The following CCSER1 variants were observed in gnomAD, a reference collection of about 807,000 sequenced individuals.
The protein encoded by CCSER1 is coiled-coil serine rich protein 1, also known as serine-rich coiled-coil domain-containing protein 1.
In CCSER1, 41 loss-of-function variants were observed where a neutral mutation model predicts 82.0. The observed-to-expected ratio is 0.50, with a 90% CI of 0.39 to 0.65. The LOEUF (loss-of-function observed/expected upper bound fraction) is 0.65, where lower values mean the gene tolerates loss of function less well. CCSER1 is among the 30% of genes least tolerant of loss of function. CCSER1 has a pLI of 0.00. For missense variants in CCSER1, 1,119 were observed against 1,064.2 expected (o/e 1.05, Z -0.72); for synonymous variants, 414 against 383.9 (o/e 1.08, Z -0.92).
intron 10 of CCSER1, among the ~76,000 whole-genome samples, chr4:91,515,147 C>G (rs1760035315): frequency 6.6e-6 from 1 of 151,998 alleles, no homozygotes; most frequent in African/African-American, 2.4e-5. Flanking sequence ...CTGTTTGTAT[C>G]TTTGAATCTA....
intron 3 of CCSER1, among the ~76,000 whole-genome samples, chr4:90,351,424 A>G (rs573677272): frequency 1.3e-5 from 2 of 152,336 alleles, no homozygotes; most frequent in East Asian, 3.9e-4. Flanking sequence ...AAAGCATGCA[A>G]GATTTCTATG....
chr4:90,493,243 T>G (rs1768371383), intron 5 of CCSER1, among the ~76,000 whole-genome samples: 1 of 152,134 alleles, frequency 6.6e-6, no homozygotes, highest in African/African-American at 2.4e-5. Flanking sequence ...GAACAAAGCC[T>G]CCAAGAAATA....
chr4:90,315,036 G>C (rs973551046), intron 3 of CCSER1, among the ~76,000 whole-genome samples: 1 of 151,504 alleles, frequency 6.6e-6, no homozygotes. Flanking sequence ...TAGCAGAGAG[G>C]GGGTTTCACC....
intron 10 of CCSER1, among the ~76,000 whole-genome samples, chr4:91,200,864 G>A (rs575576820): frequency 6.6e-6 from 1 of 152,054 alleles, no homozygotes; most frequent in African/African-American, 2.4e-5. Context: ...GTGTTTAATT[G>A]TGTAATAAAT....
intron 5 of CCSER1, among the ~76,000 whole-genome samples, chr4:90,495,255 T>A (rs1768809096): frequency 6.6e-6 from 1 of 152,170 alleles, no homozygotes; most frequent in Non-Finnish European, 1.5e-5. Flanking sequence ...GTTGAAATGG[T>A]TAATAACTTT....
intron 1 of CCSER1, among the ~76,000 whole-genome samples, chr4:90,249,454 C>T (rs1721997239): frequency 6.6e-6 from 1 of 151,972 alleles, no homozygotes; most frequent in South Asian, 2.1e-4. Context: ...TTTTCATTAC[C>T]CCCAAAAGAA....
chr4:90,295,118 TTTATA>T (rs774842418), intron 1 of CCSER1, among the ~76,000 whole-genome samples: 1 of 152,086 alleles, frequency 6.6e-6, no homozygotes, highest in African/African-American at 2.4e-5. Context: ...TTAATGAACA[TTTATA>T]TTATTTTATA....
intron 10 of CCSER1, among the ~76,000 whole-genome samples, chr4:91,374,522 A>G (rs1286100562): frequency 6.6e-6 from 1 of 152,222 alleles, no homozygotes; most frequent in East Asian, 1.9e-4. Context: ...GTTGAGACCT[A>G]GTGCACAGCA....
intron 10 of CCSER1, among the ~76,000 whole-genome samples, chr4:91,543,094 GT>G (rs1761693116): frequency 6.6e-6 from 1 of 152,054 alleles, no homozygotes; most frequent in Non-Finnish European, 1.5e-5. Flanking sequence ...TTGGTTTAAA[GT>G]CCATTTTATC....
intron 3 of CCSER1, among the ~76,000 whole-genome samples, chr4:90,395,903 C>G (rs1480836028): frequency 6.9e-6 from 1 of 144,928 alleles, no homozygotes; most frequent in Non-Finnish European, 1.5e-5. Flanking sequence ...AACCCCGTCT[C>G]TACTAAAAAT....
chr4:90,903,859 G>A (rs1003651281), intron 8 of CCSER1, among the ~76,000 whole-genome samples: 3 of 149,124 alleles, frequency 2.0e-5, no homozygotes, highest in Non-Finnish European at 3.0e-5. Flanking sequence ...AAATAGGTAA[G>A]ACAGGTAAAC....
chr4:90,492,159 G>C (rs1768141176), intron 5 of CCSER1, among the ~76,000 whole-genome samples: 1 of 151,974 alleles, frequency 6.6e-6, no homozygotes. Context: ...GACTTTTTTT[G>C]GTTGGTAGGC....
intron 9 of CCSER1, among the ~76,000 whole-genome samples, chr4:91,059,314 A>ATATATATACATATAGTGTACATATATGTG (rs1743741233): frequency 6.9e-6 from 1 of 143,970 alleles, no homozygotes; most frequent in Non-Finnish European, 1.5e-5. Flanking sequence ...ATACGTGTAT[A>ATATATATACATATAGTGTACATATATGTG]TATATATACA....
chr4:91,293,439 T>C (rs1743909326), intron 10 of CCSER1, among the ~76,000 whole-genome samples: 1 of 151,984 alleles, frequency 6.6e-6, no homozygotes, highest in Non-Finnish European at 1.5e-5. Context: ...CTTTTTCTAA[T>C]GTATTATTTT....
intron 7 of CCSER1, chr4:90,781,956 A>C: frequency 1.1e-6 from 1 of 909,874 alleles, no homozygotes; most frequent in Non-Finnish European, 1.3e-6. Flanking sequence ...AGTGTATTAA[A>C]TGCCCGATAT....
intron 10 of CCSER1, among the ~76,000 whole-genome samples, chr4:91,156,423 A>C (rs1248742946): frequency 4.0e-5 from 6 of 151,532 alleles, no homozygotes; most frequent in African/African-American, 1.5e-4. Flanking sequence ...ATCCTTAGAA[A>C]TTTACTTTTT....
chr4:91,297,800 G>A (rs887271336), intron 10 of CCSER1, among the ~76,000 whole-genome samples: 1 of 151,922 alleles, frequency 6.6e-6, no homozygotes, highest in Non-Finnish European at 1.5e-5. Context: ...ATGTATAAAG[G>A]AAAAACCATT....
chr4:90,971,976 TAAAG>T (rs1208555827), intron 9 of CCSER1, among the ~76,000 whole-genome samples: 3 of 151,758 alleles, frequency 2.0e-5, no homozygotes, highest in East Asian at 3.9e-4. Context: ...ATATATTGGA[TAAAG>T]AAAGAATGTA....
At chr4:91,065,614 T>C (rs1173219762) in intron 9 of CCSER1, among the ~76,000 whole-genome samples, 2 of 152,222 alleles carry the variant, frequency 1.3e-5, no homozygotes, top group Non-Finnish European at 1.5e-5. Context: ...GATTTAATTT[T>C]TGTGTTATTG....
Sources: gnomAD v4.1 joint callset for allele counts (sites outside exome capture counted in the v4.1 genomes callset) on GRCh38, gnomAD v4.1.1 for gene constraint, MANE v1.5 for transcripts, NCBI Gene and HGNC (gene_info 2026-07-23, HGNC 2026-07-21) for gene names.